Variants in TEX9 observed in about 807,000 individuals in gnomAD.
TEX9 encodes testis-expressed protein 9.
In TEX9, 74 loss-of-function variants were observed where a neutral mutation model predicts 59.6. The ratio of observed to expected loss-of-function variants is 1.24; its 90% CI spans 1.03 to 1.51. TEX9 has a LOEUF of 1.51. Ranked by LOEUF, TEX9 falls within the 40% of genes most tolerant of loss-of-function variation. TEX9 has a pLI of 0.00. For missense variants in TEX9, 522 were observed against 447.8 expected (o/e 1.17, Z -1.49); for synonymous variants, 186 against 152.2 (o/e 1.22, Z -1.64).
At position 56,411,198 on chromosome 15, in the gene TEX9, T is replaced by A. The variant is rs147047773; in HGVS notation, c.829-1104T>A. ...ACTTTGTAGGGGATATAAAGAAGAG[T>A]GGGTTTAGTATTACAAAATAAGTTC... On this transcript the variant is annotated intron_variant, in intron 9 of 12. Coordinates refer to ENST00000352903, the Ensembl canonical transcript of TEX9. 3.3e-5 allele frequency among the ~76,000 whole-genome samples: 5 copies of A among 151,988 alleles called. No homozygotes were observed. The East Asian group carries it at 9.7e-4, about 29-fold the overall frequency.
intron 9 of TEX9, among the ~76,000 whole-genome samples, chr15:56,404,113 C>G (rs963873620): frequency 9.9e-5 from 15 of 152,178 alleles, no homozygotes; most frequent in African/African-American, 3.6e-4. Flanking sequence ...GCAATGGCAA[C>G]AAAAGCCAAA....
chr15:56,457,463 T>C, the TEX9 span, among the ~76,000 whole-genome samples: 1 of 152,274 alleles, frequency 6.6e-6, no homozygotes, highest in Admixed American at 6.5e-5. Context: ...CTATCACTCA[T>C]ATATTGCTGT....
chr15:56,332,955 C>T (rs1241545290), intron 1 of TEX9, among the ~76,000 whole-genome samples: 1 of 151,958 alleles, frequency 6.6e-6, no homozygotes, highest in Non-Finnish European at 1.5e-5. Context: ...ATAAAACCTA[C>T]CAAAATTGAA....
At chr15:56,352,022 GA>G (rs1300467997) in intron 1 of TEX9, among the ~76,000 whole-genome samples, 1 of 152,146 alleles carries the variant, frequency 6.6e-6, no homozygotes, top group Non-Finnish European at 1.5e-5. Context: ...GAGGATGCAA[GA>G]TAAGTACATA....
chr15:56,300,708 G>GGGAGGGAGAGAGAGA (rs1160272154), intron 1 of TEX9, among the ~76,000 whole-genome samples: 1 of 102,670 alleles, frequency 9.7e-6, no homozygotes, highest in African/African-American at 4.0e-5. Flanking sequence ...AGAGAGAGAG[G>GGGAGGGAGAGAGAGA]GAGAGAGAGA....
intron 1 of TEX9, among the ~76,000 whole-genome samples, chr15:56,293,181 A>T (rs1275813311): frequency 6.6e-6 from 1 of 151,954 alleles, no homozygotes; most frequent in Non-Finnish European, 1.5e-5. Flanking sequence ...CAATATGAAA[A>T]AAAAAATGAG....
At chr15:56,323,825 A>T (rs1159156310) in intron 1 of TEX9, 1 of 216,062 alleles carries the variant, frequency 4.6e-6, no homozygotes, top group Non-Finnish European at 9.8e-6. Context: ...GGTTCTAGTG[A>T]CTTTTTTCTT....
At chr15:56,348,939 T>TC (rs397707466) in intron 1 of TEX9, among the ~76,000 whole-genome samples, 2 of 151,762 alleles carry the variant, frequency 1.3e-5, no homozygotes, top group African/African-American at 2.4e-5. Context: ...CTCTTTTTTT[T>TC]CTGGTTCAGA....
intron 12 of TEX9, among the ~76,000 whole-genome samples, chr15:56,430,622 T>C (rs908163504): frequency 6.6e-6 from 1 of 152,252 alleles, no homozygotes; most frequent in Non-Finnish European, 1.5e-5. Context: ...AGAGCAGATC[T>C]GTCTCAAGCT....
In TEX9 at chr15:56,289,658, T is replaced by C. The variant is rs556186074; in HGVS notation, c.-107+45380T>C. On this transcript the variant is annotated intron_variant, in intron 1 of 5. Transcript: ENST00000560827. ...GGGAAGTTGTGGCTGAGGGGGTTTC[T>C]CTTGGCACTGGGTCTGGCGTGTGGG... 6.6e-5 allele frequency among the ~76,000 whole-genome samples: 10 copies of C among 152,340 alleles called. No individual in the cohort carries two copies. In the South Asian group the frequency reaches 2.1e-3, roughly 32 times the overall value.
rs150158791 is a variant in TEX9, at chr15:56,301,300, CAAAAG to C, written c.-107+57028_-107+57032del. Among the ~76,000 whole-genome samples the C allele has an allele frequency of 9.3e-3, 1,409 of 151,958 alleles. 118 individuals carry two copies. The East Asian group carries it at 0.23, about 24-fold the overall frequency. On this transcript the variant is annotated intron_variant, in intron 1 of 5. Transcript: ENST00000560827. ...ATGAGCCTGAAGACAGGCTAGAAGACAAAAGAAAAGCGAATGAAGCATGCCTACAA... is the reference window on the plus strand; with the variant it reads ...ATGAGCCTGAAGACAGGCTAGAAGACAAAAGCGAATGAAGCATGCCTACAA...
At chr15:56,395,363 CT>C (rs2048416674) in intron 9 of TEX9, 1 of 152,394 alleles carries the variant, frequency 6.6e-6, no homozygotes, top group South Asian at 2.1e-4. Context: ...TTTAATTTAT[CT>C]GTTTATCAGT....
At position 56,444,764 on chromosome 15, in the gene TEX9, G is replaced by T. The variant is rs968431246; in HGVS notation, c.*30-907G>T. 4 of 1,114,188 alleles carry T rather than the reference G, an allele frequency of 3.6e-6. No individual in the cohort carries two copies. In the African/African-American group the frequency reaches 4.7e-5, roughly 13 times the overall value. The allele number at this position is 1,114,188 out of a possible 1,614,324, so 69.0% of individuals were successfully genotyped here. On this transcript the variant is annotated intron_variant, in intron 12 of 12. Transcript: ENST00000352903. ...CACCAATGTTATTGAATATTATAAA[G>T]TCTTTTACATAAAATAAATTTTTTC...
exon 1 of TEX9, chr15:56,365,476 C>A (rs992726059): frequency 1.4e-5 from 22 of 1,613,930 alleles, no homozygotes; most frequent in Non-Finnish European, 1.7e-5. Flanking sequence ...CTGTGTCTCA[C>A]GGTCAGTTCA....
At chr15:56,306,257 CAAAAAAAA>C (rs55882329) in intron 1 of TEX9, among the ~76,000 whole-genome samples, 3 of 79,450 alleles carry the variant, frequency 3.8e-5, no homozygotes, top group South Asian at 4.8e-4. Flanking sequence ...AGGTACATAG[CAAAAAAAA>C]AAAAAAAAAA....
chr15:56,432,020 C>G (rs191880444), intron 12 of TEX9, among the ~76,000 whole-genome samples: 81 of 152,168 alleles, frequency 5.3e-4, no homozygotes, highest in African/African-American at 1.8e-3. Context: ...ATGACTTGAA[C>G]TACGTGAAAG....
intron 1 of TEX9, among the ~76,000 whole-genome samples, chr15:56,354,693 A>G (rs2046652728): frequency 6.6e-6 from 1 of 152,202 alleles, no homozygotes; most frequent in Non-Finnish European, 1.5e-5. Context: ...GCAAGCAGCA[A>G]AAGTAATATG....
At chr15:56,276,820 C>T (rs1004350474) in intron 1 of TEX9, among the ~76,000 whole-genome samples, 37 of 152,300 alleles carry the variant, frequency 2.4e-4, no homozygotes, top group African/African-American at 8.2e-4. Context: ...CCTATTTCTC[C>T]GCATCCTTGC....
At chr15:56,405,189 A>T (rs1266092184) in intron 9 of TEX9, among the ~76,000 whole-genome samples, 3 of 152,112 alleles carry the variant, frequency 2.0e-5, no homozygotes, top group Non-Finnish European at 4.4e-5. Context: ...CTGTAGTCTC[A>T]GCTACTTGGG....
Sources: allele counts gnomAD v4.1 joint callset (sites outside exome capture counted in the v4.1 genomes callset), GRCh38; gene constraint gnomAD v4.1.1; transcripts MANE v1.5; gene names NCBI Gene and HGNC (gene_info 2026-07-23, HGNC 2026-07-21).